The following ELOA2 variants were observed in gnomAD, a reference collection of about 807,000 sequenced individuals.
ELOA2 encodes elongin-A2.
For synonymous variants in ELOA2, 497 were observed against 398.8 expected (o/e 1.25, Z -2.94); for missense variants, 1,271 against 979.7 (o/e 1.30, Z -3.97).
rs1366521513 is a variant in ELOA2 at position 47,035,573 on chromosome 18, A to G, written c.-309T>C. ...AGCTCTGGTGCCAGAGCTGGGCCTT[A>G]TGTAGCCCATCCCAGGCTGACACTC... On this transcript the variant is annotated 5_prime_UTR_variant, in exon 1 of 1. Coordinates refer to ENST00000332567, the MANE Select transcript of ELOA2 (RefSeq NM_016427.3). 3 of 571,618 alleles carry G rather than the reference A, an allele frequency of 5.2e-6. No homozygotes were observed. The highest frequency in any genetic ancestry group is 9.5e-6 in the Non-Finnish European group (3 of 316,750). The allele number at this position is 571,618 out of a possible 1,614,324, so 35.4% of individuals were successfully genotyped here.
rs541268302 is a variant in ELOA2 at position 47,035,428 on chromosome 18, A to G, written c.-164T>C. ...GAGCGAGCTGGGTCCTCGGAGCAGC[A>G]GGCCACTTGGTCTGGAACGGCCGTC... On this transcript the variant is annotated 5_prime_UTR_variant, in exon 1 of 1. Coordinates refer to ENST00000332567, the MANE Select transcript of ELOA2 (RefSeq NM_016427.3). 934 of 1,420,574 alleles carry G rather than the reference A, an allele frequency of 6.6e-4. 10 individuals are homozygous for G. The South Asian group carries it at 0.012, about 18-fold the overall frequency. 88.0% of individuals were successfully genotyped at this position (1,420,574 alleles called of 1,614,324 possible).
rs1359411144 is a variant in ELOA2, at chr18:47,033,826, G to A, written c.1439C>T (p.Ser480Phe). The A allele has an allele frequency of 3.1e-6, 5 of 1,614,060 alleles. No individual in the cohort carries two copies. In the African/African-American group the frequency reaches 5.3e-5, roughly 17 times the overall value. ...MQANYDPLSD[S>F]DSMTSQAKPE... ...CTTTGCCTGGGAGGTCATGGAGTCA[G>A]AATCCGAAAGCGGATCGTAGTTGGC... is the stretch of plus-strand genomic sequence containing the variant. The change falls in exon 1 of 1, where the codon TCT (serine) becomes TTT (phenylalanine). Residue 480 changes from serine to phenylalanine, a missense_variant. Ser to Phe is a radical substitution (Grantham distance 155, BLOSUM62 -2). Transcript: ENST00000332567.
In ELOA2 at chr18:47,033,263, C is replaced by T. The variant is rs1455365305; in HGVS notation, c.2002G>A (p.Glu668Lys). ...QEKSAGDADP[E>K]NGEIKPASKP... ...GAGGCTGGCTTGATCTCCCCATTTTCGGGGTCAGCGTCTCCTGCAGACTTC... is the reference window on the plus strand; with the variant it reads ...GAGGCTGGCTTGATCTCCCCATTTTTGGGGTCAGCGTCTCCTGCAGACTTC... The change falls in exon 1 of 1, where the codon GAA (glutamate) becomes AAA (lysine). Residue 668 changes from glutamate to lysine, a missense_variant. Glu to Lys is a moderately conservative substitution (Grantham distance 56, BLOSUM62 1). Coordinates refer to ENST00000332567, the MANE Select transcript of ELOA2 (RefSeq NM_016427.3). The T allele has an allele frequency of 1.2e-6, 2 of 1,613,550 alleles. No homozygotes were observed. Among genetic ancestry groups the T allele is most frequent in the South Asian group, 1.1e-5 (1 of 91,052 alleles).
Position 47,035,067 on chromosome 18 carries a change from G to A in ELOA2, c.198C>T (p.Ala66=). ...TCTTCCACCGGGCCGCTAAGTCTCTGGCAAAGTCGCCCACGTGCTGGTGCT... is the reference window on the plus strand; with the variant it reads ...TCTTCCACCGGGCCGCTAAGTCTCTAGCAAAGTCGCCCACGTGCTGGTGCT... ...LRKHQHVGDF[A]RDLAARWKKL... Residue 66 remains alanine, a synonymous_variant, in exon 1 of 1, where the codon GCC becomes GCT. Coordinates refer to ENST00000332567, the MANE Select transcript of ELOA2 (RefSeq NM_016427.3). 1 of 1,610,792 alleles carries A rather than the reference G, an allele frequency of 6.2e-7. No individual in the cohort carries two copies. Among genetic ancestry groups the A allele is most frequent in the Non-Finnish European group, 8.5e-7 (1 of 1,179,704 alleles).
Position 47,033,123 on chromosome 18 carries a change from C to G in ELOA2, c.2142G>C (p.Leu714=). 1 of 1,614,112 alleles carries G rather than the reference C, an allele frequency of 6.2e-7. No homozygotes were observed. Among genetic ancestry groups the G allele is most frequent in the Non-Finnish European group, 8.5e-7 (1 of 1,180,048 alleles). Residue 714 remains leucine, a synonymous_variant, in exon 1 of 1, where the codon CTG becomes CTC. Coordinates refer to ENST00000332567, the MANE Select transcript of ELOA2 (RefSeq NM_016427.3). ...WLPEKRANPC[L]SSSNEHAAPA... ...GCGCCGCGTGCTCATTGCTGCTGCT[C>G]AGGCAGGGGTTGGCCCGCTTCTCAG...
rs777225230 is a variant in ELOA2 at position 47,034,056 on chromosome 18, G to T, written c.1209C>A (p.Ala403=). The T allele has an allele frequency of 1.9e-6, 3 of 1,614,200 alleles. No homozygotes were observed. The highest frequency in any genetic ancestry group is 3.3e-5 in the Admixed American group (2 of 60,030). Residue 403 remains alanine (A), a synonymous_variant, in exon 1 of 1, where the codon GCC becomes GCA. Transcript: ENST00000332567. ...TTTGTTTATCTCCAAGTGCAGTGGT[G>T]GCAGATTTTCCAGTCTTTTTCTTTT... is the stretch of plus-strand genomic sequence containing the variant. ...RKQKKKTGKS[A]TTALGDKQRK...
Position 47,032,754 on chromosome 18 carries a change from C to G in ELOA2, c.*249G>C. On this transcript the variant is annotated 3_prime_UTR_variant, in exon 1 of 1. Coordinates refer to ENST00000332567, the MANE Select transcript of ELOA2 (RefSeq NM_016427.3). ...GTTTTTAAAAATTATCAGTGAACAT[C>G]CAAAATAGAATTGTTCCCAATGCGT... 1.6e-6 allele frequency: 1 copy of G among 632,694 alleles called. No homozygotes were observed. Among genetic ancestry groups the G allele is most frequent in the Non-Finnish European group, 2.6e-6 (1 of 377,706 alleles). 39.2% of individuals were successfully genotyped at this position (632,694 alleles called of 1,614,324 possible).
rs180862379 is a variant in ELOA2 at position 47,035,100 on chromosome 18, G to C, written c.165C>G (p.Arg55=). The change falls in exon 1 of 1, where the codon CGC becomes CGG. Residue 55 remains arginine, a synonymous_variant. Transcript: ENST00000332567. ...AETGIRKTVK[R]LRKHQHVGDF... ...CGCCCACGTGCTGGTGCTTCCGCAG[G>C]CGCTTCACCGTCTTTCTGATTCCAG... 1 of 1,610,962 alleles carries C rather than the reference G, an allele frequency of 6.2e-7. No individual in the cohort carries two copies. Among genetic ancestry groups the C allele is most frequent in the Non-Finnish European group, 8.5e-7 (1 of 1,179,422 alleles).
chr18:47,033,806 C>T lies in ELOA2; in HGVS notation c.1459G>A (p.Ala487Thr). ...GGTGAAGAGAGTGCTTCTGGCTTTG[C>T]CTGGGAGGTCATGGAGTCAGAATCC... Reference protein sequence around the residue: ...LSDSDSMTSQAKPEALSSPKF... With the variant: ...LSDSDSMTSQTKPEALSSPKF... The change falls in exon 1 of 1, where the codon GCA becomes ACA. Residue 487 changes from alanine to threonine, a missense_variant. By Grantham distance (58) the Ala-to-Thr change is moderately conservative. Coordinates refer to ENST00000332567, the MANE Select transcript of ELOA2 (RefSeq NM_016427.3). 1.2e-6 allele frequency: 2 copies of T among 1,614,180 alleles called. No homozygotes were observed. The highest frequency in any genetic ancestry group is 1.7e-6 in the Non-Finnish European group (2 of 1,180,040).
rs760973046 is a variant in ELOA2, at chr18:47,034,702, G to C, written c.563C>G (p.Ala188Gly). Residue 188 changes from alanine to glycine, a missense_variant, in exon 1 of 1, where the codon GCG becomes GGG. Physicochemically the swap from Ala to Gly is moderately conservative, Grantham distance 60 (BLOSUM62 0). Coordinates refer to ENST00000332567, the MANE Select transcript of ELOA2 (RefSeq NM_016427.3). ...GCCTCTTCCGGGTTGCTTCCCGGGC[G>C]CAGCGGGCTCAGGGCCCTCGGGCAT... ...LRMPEGPEPAAPGKQPGRGHT... is the reference protein window; with the variant it reads ...LRMPEGPEPAGPGKQPGRGHT... The C allele has an allele frequency of 5.0e-6, 8 of 1,612,806 alleles. No individual in the cohort carries two copies. The African/African-American group carries it at 1.1e-4, about 22-fold the overall frequency.
chr18:47,034,285 T>C lies in ELOA2; in HGVS notation c.980A>G (p.Asn327Ser). The change falls in exon 1 of 1, where the codon AAT (asparagine) becomes AGT (serine). Residue 327 changes from asparagine to serine, a missense_variant. By Grantham distance (46) the Asn-to-Ser change is conservative. Coordinates refer to ENST00000332567, the MANE Select transcript of ELOA2 (RefSeq NM_016427.3). ...RPSLDGRDPG[N>S]GTHGLSPEEK... ...CTCGGGCGACAGGCCGTGTGTCCCATTTCCTGGGTCCCGGCCGTCTAGACT... is the reference window on the plus strand; with the variant it reads ...CTCGGGCGACAGGCCGTGTGTCCCACTTCCTGGGTCCCGGCCGTCTAGACT... The C allele has an allele frequency of 6.2e-7, 1 of 1,613,740 alleles. No homozygotes were observed. The highest frequency in any genetic ancestry group is 8.5e-7 in the Non-Finnish European group (1 of 1,179,626).
rs1397193000 is a variant in ELOA2 at position 47,034,446 on chromosome 18, G to A, written c.819C>T (p.Asp273=). 6.2e-7 allele frequency: 1 copy of A among 1,614,176 alleles called. No homozygotes were observed. Among genetic ancestry groups the A allele is most frequent in the South Asian group, 1.1e-5 (1 of 91,090 alleles). ...CTGTCTTGAAGTCCGAAGGCTGCCT[G>A]TCCCTGGCACTTGCCCAGGAGGGCA... ...PRMPSWASAR[D]RQPSDFKTDK... The change falls in exon 1 of 1, where the codon GAC becomes GAT. Residue 273 remains aspartate, a synonymous_variant. Coordinates refer to ENST00000332567, the MANE Select transcript of ELOA2 (RefSeq NM_016427.3).
Position 47,033,844 on chromosome 18 carries a change from T to C in ELOA2, c.1421A>G (p.Tyr474Cys), listed in dbSNP as rs2060618120. The change falls in exon 1 of 1, where the codon TAC becomes TGC. Residue 474 changes from tyrosine to cysteine, a missense_variant. By Grantham distance (194) the Tyr-to-Cys change is radical. Coordinates refer to ENST00000332567, the MANE Select transcript of ELOA2 (RefSeq NM_016427.3). ...DLSEAWMQANYDPLSDSDSMT... is the reference protein window; with the variant it reads ...DLSEAWMQANCDPLSDSDSMT... ...GGAGTCAGAATCCGAAAGCGGATCG[T>C]AGTTGGCCTGCATCCAGGCCTCTGA... 1.9e-6 allele frequency: 3 copies of C among 1,614,122 alleles called. No homozygotes were observed. Among genetic ancestry groups the C allele is most frequent in the East Asian group, 2.2e-5 (1 of 44,878 alleles).
rs2060731325 is a variant in ELOA2, at chr18:47,035,500, G to A, written c.-236C>T. The stretch of plus-strand genomic sequence containing the variant: ...CCGCTTTTGTTCCTCGGGATGTGGA[G>A]CCACAGCCTGGAGTGACCTCTGCAG... On this transcript the variant is annotated 5_prime_UTR_variant, in exon 1 of 1. Coordinates refer to ENST00000332567, the MANE Select transcript of ELOA2 (RefSeq NM_016427.3). 2.4e-5 allele frequency: 20 copies of A among 838,492 alleles called. No individual in the cohort carries two copies. The South Asian group carries it at 3.3e-4, about 14-fold the overall frequency. The allele number at this position is 838,492 out of a possible 1,614,324, so 51.9% of individuals were successfully genotyped here.
chr18:47,033,028 T>G lies in ELOA2; in HGVS notation c.2237A>C (p.Tyr746Ser). The G allele has an allele frequency of 1.2e-6, 2 of 1,614,166 alleles. No individual in the cohort carries two copies. The highest frequency in any genetic ancestry group is 2.2e-5 in the South Asian group (2 of 91,084). Residue 746 changes from tyrosine to serine, a missense_variant, in exon 1 of 1, where the codon TAC becomes TCC. Tyr to Ser is a moderately radical substitution (Grantham distance 144, BLOSUM62 -2). Coordinates refer to ENST00000332567, the MANE Select transcript of ELOA2 (RefSeq NM_016427.3). ...APLMAKAIRD[Y>S]KRRFSRR Reference sequence around the variant, plus strand: ...TTATCGTCGGGAGAATCTTCTCTTGTAGTCTCGAATTGCCTTGGCCATCAG... The same window carrying G: ...TTATCGTCGGGAGAATCTTCTCTTGGAGTCTCGAATTGCCTTGGCCATCAG...
In ELOA2 at chr18:47,034,010, C is replaced by G; in HGVS notation, c.1255G>C (p.Gly419Arg). ...GCCGAATCCCAGGACTCACGAGTGC[C>G]CTTGGATTCGTTTGCTTTCCTTTGT... ...DKQRKANESKGTRESWDSAKK... is the reference protein window; with the variant it reads ...DKQRKANESKRTRESWDSAKK... Residue 419 changes from glycine (G) to arginine (R), a missense_variant, in exon 1 of 1, where the codon GGC becomes CGC. Gly to Arg is a moderately radical substitution (Grantham distance 125, BLOSUM62 -2). Coordinates refer to ENST00000332567, the MANE Select transcript of ELOA2 (RefSeq NM_016427.3). The G allele has an allele frequency of 6.2e-7, 1 of 1,614,026 alleles. No individual in the cohort carries two copies. Among genetic ancestry groups the G allele is most frequent in the Non-Finnish European group, 8.5e-7 (1 of 1,180,030 alleles).
In ELOA2 at chr18:47,034,832, T is replaced by C. The variant is rs746052147; in HGVS notation, c.433A>G (p.Arg145Gly). The change falls in exon 1 of 1, where the codon AGG (arginine) becomes GGG (glycine). Residue 145 changes from arginine to glycine, a missense_variant. By Grantham distance (125) the Arg-to-Gly change is moderately radical. Transcript: ENST00000332567. ...GCTCTGGGCTCGCGACTGTGAGACC[T>C]CGGGTGAGGTCTCTGTTGCCCCGGA... ...TPPGQQRPHP[R>G]SHSREPRAER... is the part of the protein sequence containing the mutation. 1.2e-6 allele frequency: 2 copies of C among 1,612,080 alleles called. No homozygotes were observed.
Position 47,034,979 on chromosome 18 carries a change from G to C in ELOA2, c.286C>G (p.Arg96Gly), listed in dbSNP as rs149255867. The C allele has an allele frequency of 8.9e-5, 144 of 1,611,616 alleles. No homozygotes were observed. The African/African-American group carries it at 1.2e-3, about 13-fold the overall frequency. The change falls in exon 1 of 1, where the codon CGA becomes GGA. Residue 96 changes from arginine to glycine, a missense_variant. Coordinates refer to ENST00000332567, the MANE Select transcript of ELOA2 (RefSeq NM_016427.3). The part of the protein sequence containing the change: ...GPQDPEESAS[R>G]QRFGEALQDQ... Reference sequence around the variant, plus strand: ...TGAAGAGCCTCCCCGAAGCGCTGTCGGGAAGCGCTCTCCTCAGGGTCCTGT... The same window carrying C: ...TGAAGAGCCTCCCCGAAGCGCTGTCCGGAAGCGCTCTCCTCAGGGTCCTGT...
rs2060626487 is a variant in ELOA2, at chr18:47,033,987, C to T, written c.1278G>A (p.Ser426=). Residue 426 remains serine, a synonymous_variant, in exon 1 of 1, where the codon TCG becomes TCA. Transcript: ENST00000332567. ...ESKGTRESWD[S]AKKLPPVQES... ...CCTGGACAGGAGGCAATTTCTTAGC[C>T]GAATCCCAGGACTCACGAGTGCCCT... 4 of 1,613,654 alleles carry T rather than the reference C, an allele frequency of 2.5e-6. No homozygotes were observed. The highest frequency in any genetic ancestry group is 2.2e-5 in the South Asian group (2 of 91,040).
Sources: allele counts gnomAD v4.1 joint callset, GRCh38; gene constraint gnomAD v4.1.1; transcripts MANE v1.5; gene names NCBI Gene and HGNC (gene_info 2026-07-23, HGNC 2026-07-21).